TNKS: variants seen among roughly 807,000 people sequenced by gnomAD.
The protein encoded by TNKS is tankyrase, also known as poly [ADP-ribose] polymerase tankyrase-1.
In TNKS, 72 loss-of-function variants were observed where a neutral mutation model predicts 135.8. The observed-to-expected ratio is 0.53, with a 90% CI of 0.44 to 0.64. TNKS has a LOEUF of 0.64. Among genes scored for constraint, TNKS ranks in the 30% least tolerant of loss-of-function variants. The probability of loss-of-function intolerance (pLI) is 0.00; values close to 1 mark genes in which losing one functional copy is unlikely to be tolerated. For synonymous variants in TNKS, 849 were observed against 649.3 expected, an observed-to-expected ratio of 1.31 and a Z score of -4.68; for missense variants, 1,769 against 1,674.0, an observed-to-expected ratio of 1.06 and a Z score of -0.99.
chr8:9,587,308 AT>A (rs1435433463), intron 2 of TNKS, among the ~76,000 whole-genome samples: 2 of 152,158 alleles, frequency 1.3e-5, no homozygotes. Context: ...AAACTAAGGA[AT>A]GGGGGTAGCC....
At chr8:9,712,721 T>C (rs1804399209) in intron 11 of TNKS, among the ~76,000 whole-genome samples, 1 of 151,478 alleles carries the variant, frequency 6.6e-6, no homozygotes, top group Non-Finnish European at 1.5e-5. Context: ...CAACCCCGTC[T>C]CTACAAATAA....
intron 5 of TNKS, among the ~76,000 whole-genome samples, chr8:9,698,250 G>A (rs1803613201): frequency 6.6e-6 from 1 of 151,900 alleles, no homozygotes; most frequent in Non-Finnish European, 1.5e-5. Context: ...CAGACTACTA[G>A]AGCGGGCAGC....
At chr8:9,657,253 A>AC (rs1176603431) in intron 3 of TNKS, among the ~76,000 whole-genome samples, 2 of 80,376 alleles carry the variant, frequency 2.5e-5, no homozygotes, top group East Asian at 3.2e-4. Context: ...CGGGGGGCCG[A>AC]CCCCCCCACC....
Position 9,556,053 on chromosome 8 carries a change from C to G in TNKS, c.114C>G (p.Gly38=). ...PPPPPPPLSP[G]LAPGTTPASP... is the part of the protein sequence containing the mutation. ...CACCTCCTCCCCCACTCAGCCCTGG[C>G]CTGGCCCCGGGGACCACCCCAGCCT... is the stretch of plus-strand genomic sequence containing the variant. The change falls in exon 1 of 27, where the codon GGC becomes GGG. Residue 38 remains glycine (G), a synonymous_variant. Transcript: ENST00000310430. 6.2e-7 allele frequency: 1 copy of G among 1,609,800 alleles called. No homozygotes were observed. The highest frequency in any genetic ancestry group is 8.5e-7 in the Non-Finnish European group (1 of 1,178,792).
intron 3 of TNKS, among the ~76,000 whole-genome samples, chr8:9,659,075 A>G (rs1188411767): frequency 7.9e-5 from 12 of 152,380 alleles, no homozygotes; most frequent in African/African-American, 2.9e-4. Flanking sequence ...GAGCACCCAG[A>G]TTCATAAAGC....
chr8:9,597,022 T>C (rs1314308008), intron 2 of TNKS, among the ~76,000 whole-genome samples: 1 of 152,254 alleles, frequency 6.6e-6, no homozygotes, highest in Non-Finnish European at 1.5e-5. Flanking sequence ...ATATGCCTTT[T>C]AGAATTTACT....
rs992099023 is a variant in TNKS at position 9,556,086 on chromosome 8, G to A, written c.147G>A (p.Thr49=). The A allele has an allele frequency of 6.2e-7, 1 of 1,603,370 alleles. No homozygotes were observed. Among genetic ancestry groups the A allele is most frequent in the Non-Finnish European group, 8.5e-7 (1 of 1,175,876 alleles). ...CGGGGACCACCCCAGCCTCTCCCAC[G>A]GCCAGCGGCCTGGCCCCCTTCGCCT... ...LAPGTTPASP[T]ASGLAPFASP... is the part of the protein sequence containing the mutation. The change falls in exon 1 of 27, where the codon ACG becomes ACA. Residue 49 remains threonine (T), a synonymous_variant. Coordinates refer to ENST00000310430, the MANE Select transcript of TNKS (RefSeq NM_003747.3).
intron 2 of TNKS, among the ~76,000 whole-genome samples, chr8:9,599,027 T>C (rs1307240383): frequency 1.3e-5 from 2 of 151,728 alleles, no homozygotes. Context: ...CCCTTAGAGT[T>C]GTGCAAGCTT....
intron 5 of TNKS, among the ~76,000 whole-genome samples, chr8:9,698,679 T>TA (rs1455358381): frequency 3.3e-5 from 5 of 152,214 alleles, no homozygotes; most frequent in African/African-American, 1.2e-4. Context: ...TTCCTGGACT[T>TA]ACGTTGAAGC....
intron 12 of TNKS, among the ~76,000 whole-genome samples, chr8:9,723,398 C>T (rs1805000492): frequency 8.0e-6 from 1 of 124,500 alleles, no homozygotes; most frequent in Non-Finnish European, 1.7e-5. Context: ...TTATAAGATT[C>T]ATTTAAATAC....
At chr8:9,735,692 C>T (rs201359569) in intron 17 of TNKS, among the ~76,000 whole-genome samples, 25 of 151,786 alleles carry the variant, frequency 1.6e-4, no homozygotes, top group Admixed American at 8.6e-4. Context: ...CCCAGCTACT[C>T]GGGAGGCTGA....
chr8:9,773,584 A>ATACTT (rs1731209759), intron 26 of TNKS, among the ~76,000 whole-genome samples: 1 of 152,186 alleles, frequency 6.6e-6, no homozygotes, highest in South Asian at 2.1e-4. Context: ...ATAATAAGGA[A>ATACTT]TACTTAGAAG....
intron 5 of TNKS, among the ~76,000 whole-genome samples, chr8:9,698,200 T>C (rs183252699): frequency 6.6e-6 from 1 of 152,156 alleles, no homozygotes; most frequent in East Asian, 1.9e-4. Flanking sequence ...ATCTAAACAT[T>C]GAGCACACGT....
In TNKS at chr8:9,763,252, A is replaced by G. The variant is rs1807245683; in HGVS notation, c.3372+8A>G. 1 of 1,542,680 alleles carries G rather than the reference A, an allele frequency of 6.5e-7. No individual in the cohort carries two copies. Among genetic ancestry groups the G allele is most frequent in the East Asian group, 2.3e-5 (1 of 44,224 alleles). The stretch of plus-strand genomic sequence containing the variant: ...CAGTCAGTGGAAGAAGAGGTAATAT[A>G]CATCAGAAATCTTTCATTTGCTTTT... On this transcript the variant is annotated splice_region_variant and intron_variant, in intron 22 of 26. Coordinates refer to ENST00000310430, the MANE Select transcript of TNKS (RefSeq NM_003747.3).
intron 3 of TNKS, among the ~76,000 whole-genome samples, chr8:9,659,520 A>G (rs1007033877): frequency 3.3e-5 from 5 of 152,220 alleles, no homozygotes; most frequent in Non-Finnish European, 5.9e-5. Context: ...AGAAATAAAG[A>G]TGTTCTTTGA....
At chr8:9,761,744 C>G (rs1448777549) in intron 21 of TNKS, 108 bp downstream of exon 21, 2 of 1,140,586 alleles carry the variant, frequency 1.8e-6, no homozygotes, top group Non-Finnish European at 2.4e-6. Context: ...ATACACTGAA[C>G]TATTGTACCT....
chr8:9,771,281 G>A (rs759134275), intron 26 of TNKS, among the ~76,000 whole-genome samples: 5 of 137,244 alleles, frequency 3.6e-5, no homozygotes, highest in African/African-American at 5.5e-5. Context: ...AAGAGAGAGC[G>A]AGGAAGGGAG....
Position 9,720,551 on chromosome 8 carries a change from T to A in TNKS, c.1921+6T>A, listed in dbSNP as rs766858889. On this transcript the variant is annotated splice_donor_region_variant and intron_variant, in intron 12 of 26. Transcript: ENST00000310430. Reference sequence around the variant, plus strand: ...AGTGCAGCAGATTCTGAGTGGTGAGTTAAAATAGACCAACAGGGCATTTTA... The same window carrying A: ...AGTGCAGCAGATTCTGAGTGGTGAGATAAAATAGACCAACAGGGCATTTTA... The A allele has an allele frequency of 9.3e-6, 15 of 1,604,518 alleles. No individual in the cohort carries two copies. The highest frequency in any genetic ancestry group is 4.5e-5 in the East Asian group (2 of 44,192).
Position 9,778,114 on chromosome 8 carries a change from TC to T in TNKS, c.*1379del, listed in dbSNP as rs1240332068. On this transcript the variant is annotated 3_prime_UTR_variant, in exon 27 of 27. Coordinates refer to ENST00000310430, the MANE Select transcript of TNKS (RefSeq NM_003747.3). ...TTTGTGAAATTACTGTTTATTTTCA[TC>T]AACATTTACCAAGTGCCATTGACAT... The T allele has an allele frequency of 6.7e-6, 1 of 148,784 alleles. No individual in the cohort carries two copies. Among genetic ancestry groups the T allele is most frequent in the Non-Finnish European group, 1.5e-5 (1 of 67,454 alleles). The allele number at this position is 148,784 out of a possible 1,614,324, so 9.2% of individuals were successfully genotyped here.
Sources: allele counts gnomAD v4.1 joint callset (sites outside exome capture counted in the v4.1 genomes callset), GRCh38; gene constraint gnomAD v4.1.1; transcripts MANE v1.5; gene names NCBI Gene and HGNC (gene_info 2026-07-23, HGNC 2026-07-21).